Variants in CFAP47 observed in about 807,000 individuals in gnomAD.
CFAP47 encodes cilia- and flagella-associated protein 47.
A neutral mutation model predicts 148.1 loss-of-function variants in CFAP47; 29 were observed. The observed-to-expected ratio is 0.20, with a 90% CI of 0.15 to 0.27. The LOEUF is 0.27. Among genes scored for constraint, CFAP47 ranks in the 10% least tolerant of loss-of-function variants. The pLI, the probability that CFAP47 is intolerant of heterozygous loss-of-function variation, is 1.00. For synonymous variants in CFAP47, 664 were observed against 577.3 expected (o/e 1.15, Z -2.15); for missense variants, 1,872 against 1,697.5 (o/e 1.10, Z -1.81).
chrX:36,235,700 G>A (rs28668173), intron 46 of CFAP47, among the ~76,000 whole-genome samples: 34 of 111,911 alleles, frequency 3.0e-4, no homozygotes, highest in African/African-American at 1.0e-3. Context: ...GAAATCACCC[G>A]TCTTCTGCAT....
intron 1 of CFAP47, among the ~76,000 whole-genome samples, chrX:35,924,241 A>T (rs1003543351): frequency 2.2e-5 from 2 of 91,079 alleles, no homozygotes; most frequent in Admixed American, 2.3e-4. Flanking sequence ...ATGGACATGT[A>T]TGTGTGCATA....
chrX:36,171,974 T>A (rs990300390), intron 39 of CFAP47, among the ~76,000 whole-genome samples: 2 of 109,996 alleles, frequency 1.8e-5, no homozygotes, highest in Admixed American at 9.7e-5. Flanking sequence ...TTTATTTCCT[T>A]GAGAAGTGGT....
chrX:36,193,796 A>C (rs1179229501), intron 42 of CFAP47, among the ~76,000 whole-genome samples: 1 of 111,682 alleles, frequency 9.0e-6, no homozygotes, highest in African/African-American at 3.3e-5. Flanking sequence ...CTCATCCTAC[A>C]ATAAGCAGTG....
Position 35,919,965 on chromosome X carries a change from A to T in CFAP47, c.166A>T (p.Arg56Trp). Residue 56 changes from arginine (R) to tryptophan (W), a missense_variant, in exon 1 of 64, where the codon AGG becomes TGG. Coordinates refer to ENST00000378653, the MANE Select transcript of CFAP47 (RefSeq NM_001304548.2). ...EVKFLDTMAG[R>W]VYRLPITVHN... ...GAAGTTCCTGGACACGATGGCCGGG[A>T]GGGTGTACCGCCTCCCGATTACTGT... is the stretch of plus-strand genomic sequence containing the variant. 1.7e-6 allele frequency: 2 copies of T among 1,210,252 alleles called. No individual in the cohort carries two copies. Among genetic ancestry groups the T allele is most frequent in the Non-Finnish European group, 2.2e-6 (2 of 894,946 alleles).
chrX:36,104,725 T>C (rs965203769), intron 33 of CFAP47, 34 bp downstream of exon 33: 10 of 521,437 alleles, frequency 1.9e-5, no homozygotes, highest in Non-Finnish European at 2.8e-5. Flanking sequence ...AACAAATTAT[T>C]GCAAATTGTA....
intron 37 of CFAP47, among the ~76,000 whole-genome samples, chrX:36,151,250 A>G (rs927118001): frequency 8.9e-6 from 1 of 112,311 alleles, no homozygotes; most frequent in Admixed American, 9.5e-5. Flanking sequence ...AAACAGGATA[A>G]CAAAAATCAC....
At chrX:36,034,247 TGA>T (rs1245666237) in intron 23 of CFAP47, among the ~76,000 whole-genome samples, 2 of 111,678 alleles carry the variant, frequency 1.8e-5, no homozygotes, top group African/African-American at 6.5e-5. Flanking sequence ...CTGATTAGAC[TGA>T]GTTTTTATTT....
intron 40 of CFAP47, among the ~76,000 whole-genome samples, chrX:36,180,181 A>G (rs1408078593): frequency 1.8e-5 from 2 of 111,686 alleles, no homozygotes; most frequent in Non-Finnish European, 1.9e-5. Context: ...ATTTAAATTT[A>G]TTCTACCTAC....
intron 57 of CFAP47, among the ~76,000 whole-genome samples, chrX:36,335,612 G>A (rs1474116027): frequency 4.5e-5 from 5 of 111,421 alleles, no homozygotes; most frequent in Non-Finnish European, 9.4e-5. Context: ...CCACTCTGTT[G>A]GTTCCCATGA....
At chrX:35,923,906 C>T (rs867538987) in intron 1 of CFAP47, among the ~76,000 whole-genome samples, 6 of 60,196 alleles carry the variant, frequency 1.0e-4, no homozygotes, top group South Asian at 7.1e-4. Context: ...TATATATGTA[C>T]ATGTGTATAT....
intron 57 of CFAP47, among the ~76,000 whole-genome samples, chrX:36,323,005 C>CACT (rs1290539697): frequency 2.7e-5 from 3 of 110,742 alleles, no homozygotes; most frequent in Non-Finnish European, 5.7e-5. Context: ...GACATTGGGG[C>CACT]ACTATTGGTA....
Position 36,035,798 on chromosome X carries a change from T to C in CFAP47, c.3755T>C (p.Leu1252Pro). Residue 1252 changes from leucine (L) to proline (P), a missense_variant, in exon 24 of 64, where the codon CTG (leucine) becomes CCG (proline). By Grantham distance (98) the Leu-to-Pro change is moderately conservative. Transcript: ENST00000378653. ...GACGGCACATTCAAGTTCAGTGTAC[T>C]GAATGGGATTCTACGACCAAATGAA... ...FKDGTFKFSV[L>P]NGILRPNEKY... 3.4e-6 allele frequency: 1 copy of C among 296,804 alleles called. No homozygotes were observed. Among genetic ancestry groups the C allele is most frequent in the South Asian group, 2.0e-4 (1 of 5,050 alleles). 24.5% of individuals were successfully genotyped at this position (296,804 alleles called of 1,213,427 possible). A position where few individuals can be genotyped will look rare whatever the true frequency, so the allele number is the denominator to read the frequency against.
chrX:35,958,778 T>C (rs1936281645), intron 8 of CFAP47, among the ~76,000 whole-genome samples: 2 of 112,272 alleles, frequency 1.8e-5, no homozygotes, highest in Non-Finnish European at 3.8e-5. Flanking sequence ...TGATGTTCTA[T>C]GGCAAAGCAG....
chrX:36,025,509 C>T (rs889913786), intron 22 of CFAP47, among the ~76,000 whole-genome samples: 23 of 110,058 alleles, frequency 2.1e-4, no homozygotes, highest in African/African-American at 5.3e-4. Context: ...AATGTGGTGA[C>T]GCATATCTGT....
At chrX:36,310,334 A>G (rs1422838703) in intron 55 of CFAP47, among the ~76,000 whole-genome samples, 2 of 110,905 alleles carry the variant, frequency 1.8e-5, no homozygotes, top group Non-Finnish European at 3.8e-5. Flanking sequence ...AATGCACTGG[A>G]CTCGATGATG....
chrX:36,111,523 C>T (rs898286574), intron 33 of CFAP47, among the ~76,000 whole-genome samples: 2 of 111,572 alleles, frequency 1.8e-5, no homozygotes, highest in Non-Finnish European at 3.8e-5. Flanking sequence ...GTTGAGGATT[C>T]TTGCATCGAT....
chrX:36,152,752 A>G (rs1939323976), intron 37 of CFAP47, among the ~76,000 whole-genome samples: 2 of 111,033 alleles, frequency 1.8e-5, no homozygotes, highest in South Asian at 7.6e-4. Context: ...TCTCTAAGCT[A>G]TTTTCTTTCA....
At chrX:36,073,805 G>A (rs1937799434) in intron 29 of CFAP47, among the ~76,000 whole-genome samples, 1 of 111,613 alleles carries the variant, frequency 9.0e-6, no homozygotes, top group Non-Finnish European at 1.9e-5. Flanking sequence ...TCTTTCATGT[G>A]CTGTTTTGTT....
intron 57 of CFAP47, among the ~76,000 whole-genome samples, chrX:36,342,041 T>A (rs1941658273): frequency 9.0e-6 from 1 of 111,063 alleles, no homozygotes; most frequent in Non-Finnish European, 1.9e-5. Flanking sequence ...TTATAATATG[T>A]TTTATTAGGT....
Sources: allele counts gnomAD v4.1 joint callset (sites outside exome capture counted in the v4.1 genomes callset), GRCh38; gene constraint gnomAD v4.1.1; transcripts MANE v1.5; gene names NCBI Gene and HGNC (gene_info 2026-07-23, HGNC 2026-07-21).